The following WDR5 variants were observed in gnomAD, a reference collection of about 807,000 sequenced individuals.
The protein encoded by WDR5 is WD repeat domain 5, also known as WD repeat-containing protein 5.
For synonymous variants in WDR5, 144 were observed against 161.6 expected (o/e 0.89, Z 0.83); for missense variants, 187 against 416.9 (o/e 0.45, Z 4.80).
At position 134,157,996 on chromosome 9, in the gene WDR5, C is replaced by G; in HGVS notation, c.*3C>G. 1 of 1,613,548 alleles carries G rather than the reference C, an allele frequency of 6.2e-7. No homozygotes were observed. Among genetic ancestry groups the G allele is most frequent in the Non-Finnish European group, 8.5e-7 (1 of 1,179,512 alleles). On this transcript the variant is annotated 3_prime_UTR_variant, in exon 14 of 14. Transcript: ENST00000358625. The surrounding 1 kb of genome is among the most constrained non-coding windows in gnomAD (Gnocchi z 5.0). Reference sequence around the variant, plus strand: ...AACTGTGGAAGAGTGACTGCTAAGTCCCTTTGCTCCTGCCCGCGAGAGACT... The same window carrying G: ...AACTGTGGAAGAGTGACTGCTAAGTGCCTTTGCTCCTGCCCGCGAGAGACT...
In WDR5 at chr9:134,142,605, G is replaced by C. The variant is rs1282167699; in HGVS notation, c.445-31G>C. 3.1e-6 allele frequency: 5 copies of C among 1,613,212 alleles called. No individual in the cohort carries two copies. In the South Asian group the frequency reaches 5.5e-5, roughly 18 times the overall value. The stretch of plus-strand genomic sequence containing the variant: ...GGGAGGTTTGTCCCCTCTCCTTCCT[G>C]TAAAATCACTGTCATCTCTTTTGTG... On this transcript the variant is annotated intron_variant, in intron 6 of 13. Transcript: ENST00000358625.
At chr9:134,146,262 TCTCA>T (rs1474568985) in intron 7 of WDR5, among the ~76,000 whole-genome samples, 1 of 149,268 alleles carries the variant, frequency 6.7e-6, no homozygotes, top group Non-Finnish European at 1.5e-5. Flanking sequence ...TGAGACAGGG[TCTCA>T]CTCTGTTGCC....
chr9:134,157,401 G>A lies in WDR5; in HGVS notation c.905-492G>A, dbSNP rs1356738756. Among the ~76,000 whole-genome samples, 1 of 152,170 alleles carries A rather than the reference G, an allele frequency of 6.6e-6. No individual in the cohort carries two copies. Among genetic ancestry groups the A allele is most frequent in the Non-Finnish European group, 1.5e-5 (1 of 68,028 alleles). On this transcript the variant is annotated intron_variant, in intron 13 of 13. Transcript: ENST00000358625. The surrounding 1 kb of genome is among the most constrained non-coding windows in gnomAD (Gnocchi z 5.0). ...TGGGTGGTGGACTTGTCCTTGCTGT[G>A]ACAGAGCCAGCCCTGTGGGGTGCTC...
chr9:134,140,713 T>A lies in WDR5; in HGVS notation c.92T>A (p.Val31Glu), dbSNP rs759735790. The change falls in exon 3 of 14, where the codon GTG (valine) becomes GAG (glutamate). Residue 31 changes from valine to glutamate, a missense_variant. Val to Glu is a moderately radical substitution (Grantham distance 121). Coordinates refer to ENST00000358625, the MANE Select transcript of WDR5 (RefSeq NM_017588.3). ...TGGTCTTTCCTGCAGCCTACACCTG[T>A]GAAGCCAAACTATGCTCTAAAGTTC... ...SSATQSKPTP[V>E]KPNYALKFTL... The A allele has an allele frequency of 6.2e-7, 1 of 1,614,206 alleles. No homozygotes were observed. Among genetic ancestry groups the A allele is most frequent in the Non-Finnish European group, 8.5e-7 (1 of 1,180,028 alleles).
At position 134,139,886 on chromosome 9, in the gene WDR5, G is replaced by A. The variant is rs764634284; in HGVS notation, c.9G>A (p.Thr3=). The change falls in exon 2 of 14, where the codon ACG becomes ACA. Residue 3 remains threonine, a synonymous_variant. Transcript: ENST00000358625. ...CGGCCAGCGTCAGAGCCATGGCGACGGAGGAGAAGAAGCCCGAGACCGAGG... is the reference window on the plus strand; with the variant it reads ...CGGCCAGCGTCAGAGCCATGGCGACAGAGGAGAAGAAGCCCGAGACCGAGG... The part of the protein sequence containing the change: MA[T]EEKKPETEAA... The A allele has an allele frequency of 3.0e-5, 48 of 1,613,374 alleles. No individual in the cohort carries two copies. The Admixed American group carries it at 3.3e-4, about 11-fold the overall frequency.
chr9:134,155,822 G>A (rs1358782100), intron 12 of WDR5, 55 bp downstream of exon 12: 5 of 1,534,990 alleles, frequency 3.3e-6, no homozygotes, highest in Non-Finnish European at 4.5e-6. Flanking sequence ...TCTCCCGAGA[G>A]GTCACACCTG....
chr9:134,151,490 C>A (rs1421666681), intron 8 of WDR5, among the ~76,000 whole-genome samples: 1 of 152,186 alleles, frequency 6.6e-6, no homozygotes, highest in African/African-American at 2.4e-5. Context: ...TCACAGAAAC[C>A]CTGAAATTGG....
chr9:134,145,096 G>GTTGTTTTTTTT (rs1554726635), intron 7 of WDR5, among the ~76,000 whole-genome samples: 1 of 104,664 alleles, frequency 9.6e-6, no homozygotes, highest in African/African-American at 3.4e-5. Context: ...GTGGGGCTTT[G>GTTGTTTTTTTT]TTTTTTTTTT....
chr9:134,144,176 G>A (rs553202388), intron 7 of WDR5, among the ~76,000 whole-genome samples: 2 of 152,350 alleles, frequency 1.3e-5, no homozygotes, highest in South Asian at 4.1e-4. Flanking sequence ...TCTGAGCCCC[G>A]CACATAGCTG....
Position 134,140,725 on chromosome 9 carries a change from A to G in WDR5, c.104A>G (p.Tyr35Cys), listed in dbSNP as rs1831841200. 3 of 1,614,098 alleles carry G rather than the reference A, an allele frequency of 1.9e-6. No homozygotes were observed. The highest frequency in any genetic ancestry group is 2.5e-6 in the Non-Finnish European group (3 of 1,180,042). ...QSKPTPVKPN[Y>C]ALKFTLAGHT... ...CAGCCTACACCTGTGAAGCCAAACT[A>G]TGCTCTAAAGTTCACCCTTGCTGGC... is the stretch of plus-strand genomic sequence containing the variant. Residue 35 changes from tyrosine to cysteine, a missense_variant, in exon 3 of 14, where the codon TAT (tyrosine) becomes TGT (cysteine). Coordinates refer to ENST00000358625, the MANE Select transcript of WDR5 (RefSeq NM_017588.3).
chr9:134,141,427 T>C, intron 3 of WDR5, 83 bp from the exon 4 acceptor site: 3 of 1,397,052 alleles, frequency 2.1e-6, no homozygotes, highest in Non-Finnish European at 3.0e-6. Flanking sequence ...GGGACTCATG[T>C]GGGAAAAGCT....
chr9:134,155,267 G>T, intron 10 of WDR5, 73 bp from the exon 11 acceptor site: 1 of 1,465,658 alleles, frequency 6.8e-7, no homozygotes, highest in Non-Finnish European at 9.1e-7. Context: ...GTGACGTAGT[G>T]GCTGCAGAGT....
intron 7 of WDR5, among the ~76,000 whole-genome samples, chr9:134,144,400 AAG>A (rs1305688384): frequency 1.3e-5 from 2 of 152,206 alleles, no homozygotes; most frequent in African/African-American, 4.8e-5. Context: ...TAACCTGAGA[AAG>A]GGGTTCGCTG....
At chr9:134,154,383 G>C (rs151215643) in intron 9 of WDR5, 83 bp from the exon 10 acceptor site, 5 of 1,407,378 alleles carry the variant, frequency 3.6e-6, no homozygotes, top group East Asian at 2.3e-5. Flanking sequence ...TGTCGCACGT[G>C]GGGGATGGGG....
At chr9:134,152,595 G>T (rs1012124221) in intron 9 of WDR5, among the ~76,000 whole-genome samples, 3 of 152,232 alleles carry the variant, frequency 2.0e-5, no homozygotes, top group African/African-American at 7.2e-5. Flanking sequence ...GGAGCGGAAG[G>T]GTTTTCATCC....
intron 9 of WDR5, among the ~76,000 whole-genome samples, chr9:134,154,260 G>C (rs189257974): frequency 1.3e-5 from 2 of 152,276 alleles, no homozygotes; most frequent in Admixed American, 1.3e-4. Context: ...CCGGGCCTAT[G>C]GGCTTGAGGT....
At chr9:134,148,646 G>A (rs988238495) in intron 8 of WDR5, among the ~76,000 whole-genome samples, 1 of 152,132 alleles carries the variant, frequency 6.6e-6, no homozygotes, top group South Asian at 2.1e-4. Flanking sequence ...TCACACGCTC[G>A]TGGAAAATGG....
chr9:134,144,822 T>G (rs181497663), intron 7 of WDR5, among the ~76,000 whole-genome samples: 1 of 151,892 alleles, frequency 6.6e-6, no homozygotes, highest in African/African-American at 2.4e-5. Context: ...GGTGACAGAG[T>G]GAGACCCCAT....
Position 134,142,385 on chromosome 9 carries a change from A to T in WDR5, c.407A>T (p.Asn136Ile). 6.2e-7 allele frequency: 1 copy of T among 1,614,228 alleles called. No individual in the cohort carries two copies. Among genetic ancestry groups the T allele is most frequent in the South Asian group, 1.1e-5 (1 of 91,084 alleles). Residue 136 changes from asparagine (N) to isoleucine (I), a missense_variant, in exon 6 of 14, where the codon AAC (asparagine) becomes ATC (isoleucine). By Grantham distance (149) the Asn-to-Ile change is moderately radical. Transcript: ENST00000358625. Reference protein sequence around the residue: ...KGHSNYVFCCNFNPQSNLIVS... With the variant: ...KGHSNYVFCCIFNPQSNLIVS... ...CACAGTAATTATGTCTTTTGCTGCA[A>T]CTTCAATCCCCAGTCCAACCTTATT...
Sources: allele counts gnomAD v4.1 joint callset (sites outside exome capture counted in the v4.1 genomes callset), GRCh38; gene constraint gnomAD v4.1.1; non-coding constraint Gnocchi (gnomAD v3.1); transcripts MANE v1.5; gene names NCBI Gene and HGNC (gene_info 2026-07-23, HGNC 2026-07-21).